The following ZNF100 variants were observed in gnomAD, a reference collection of about 807,000 sequenced individuals.
ZNF100 encodes zinc finger protein 100, also known as zinc finger protein 100 (Y1).
In ZNF100, 12 loss-of-function variants were observed where a neutral mutation model predicts 15.8. That is an observed-to-expected ratio of 0.76 (90% CI 0.49 to 1.23). The LOEUF (loss-of-function observed/expected upper bound fraction) is 1.23, where lower values mean the gene tolerates loss of function less well. ZNF100 is among the 50% of genes most tolerant of loss of function. ZNF100 has a pLI of 0.00. For missense variants in ZNF100, 670 were observed against 635.6 expected (o/e 1.05, Z -0.58); for synonymous variants, 226 against 214.8 (o/e 1.05, Z -0.45).
chr19:21,739,938 T>C (rs370400020), intron 4 of ZNF100, among the ~76,000 whole-genome samples: 6 of 152,326 alleles, frequency 3.9e-5, no homozygotes, highest in African/African-American at 1.4e-4. Flanking sequence ...GGTGAACAAA[T>C]TCAGTACAAT....
chr19:21,742,329 G>A (rs1599388550), intron 4 of ZNF100, among the ~76,000 whole-genome samples: 1 of 145,106 alleles, frequency 6.9e-6, no homozygotes, highest in Non-Finnish European at 1.5e-5. Context: ...GATTTAAGAT[G>A]GTAAATTTTA....
At chr19:21,729,601 A>G (rs1434318263) in intron 4 of ZNF100, among the ~76,000 whole-genome samples, 2 of 152,034 alleles carry the variant, frequency 1.3e-5, no homozygotes, top group East Asian at 3.9e-4. Context: ...AAACAAAACA[A>G]AAACAAAAAA....
intron 4 of ZNF100, among the ~76,000 whole-genome samples, chr19:21,741,378 AT>A (rs2036104706): frequency 1.3e-5 from 2 of 151,390 alleles, no homozygotes; most frequent in Admixed American, 6.6e-5. Flanking sequence ...AATTATTATT[AT>A]TATTATTTTT....
intron 2 of ZNF100, among the ~76,000 whole-genome samples, chr19:21,758,943 C>T (rs1568311210): frequency 6.6e-6 from 1 of 152,094 alleles, no homozygotes; most frequent in Non-Finnish European, 1.5e-5. Context: ...CATTCCAGGC[C>T]AGGTCTCCAT....
chr19:21,760,336 T>C (rs2145743546), intron 2 of ZNF100, among the ~76,000 whole-genome samples: 1 of 151,762 alleles, frequency 6.6e-6, no homozygotes, highest in East Asian at 1.9e-4. Context: ...CTATTAAAAA[T>C]ACAAAACTTA....
intron 2 of ZNF100, among the ~76,000 whole-genome samples, chr19:21,763,594 GA>G (rs1052458119): frequency 3.9e-5 from 6 of 152,040 alleles, no homozygotes; most frequent in African/African-American, 7.2e-5. Context: ...ATCCCGGGGG[GA>G]AAAAAATCAG....
At chr19:21,766,842 A>C (rs181142473) in intron 1 of ZNF100, among the ~76,000 whole-genome samples, 2 of 152,092 alleles carry the variant, frequency 1.3e-5, no homozygotes, top group East Asian at 3.9e-4. Flanking sequence ...AAATACAAAA[A>C]AATAAGGCCG....
intron 1 of ZNF100, among the ~76,000 whole-genome samples, chr19:21,766,999 C>CAAACA (rs1415229033): frequency 7.9e-5 from 12 of 151,794 alleles, no homozygotes; most frequent in Admixed American, 3.9e-4. Context: ...CTCAAACAAA[C>CAAACA]AAAAAAATCG....
intron 4 of ZNF100, among the ~76,000 whole-genome samples, chr19:21,732,139 CCA>C (rs1343961070): frequency 2.0e-5 from 3 of 151,956 alleles, no homozygotes; most frequent in African/African-American, 7.3e-5. Flanking sequence ...CCACTACACC[CCA>C]GTCTTGGCGA....
At chr19:21,731,980 C>G (rs1270595505) in intron 4 of ZNF100, among the ~76,000 whole-genome samples, 2 of 152,114 alleles carry the variant, frequency 1.3e-5, no homozygotes, top group African/African-American at 4.8e-5. Flanking sequence ...GGGCCTGGTG[C>G]CGGGACTCAC....
At position 21,727,141 on chromosome 19, in the gene ZNF100, GT is replaced by G. The variant is rs1197629461; in HGVS notation, c.1170del (p.Lys390AsnfsTer60). The G allele has an allele frequency of 4.3e-6, 7 of 1,611,740 alleles. No individual in the cohort carries two copies. Among genetic ancestry groups the G allele is most frequent in the African/African-American group, 1.3e-5 (1 of 74,768 alleles). On this transcript the variant is annotated frameshift_variant, in exon 5 of 5. Transcript: ENST00000358296. LOFTEE classifies it low-confidence loss of function (END_TRUNC). ...TTCTCTCCAGTATGACTTGTCTTAT[GT>G]TTAGTAAGGTATGAGAATCGGTAAA... ...KAFYRFSYLT[K>X]HKTSHTGEKF...
chr19:21,732,742 T>C (rs2035941952), intron 4 of ZNF100, among the ~76,000 whole-genome samples: 1 of 151,670 alleles, frequency 6.6e-6, no homozygotes, highest in Admixed American at 6.6e-5. Flanking sequence ...TAGAAGAATA[T>C]AGGGAAAAAG....
chr19:21,750,747 C>G lies in ZNF100; in HGVS notation c.97-5680G>C, dbSNP rs10422164. 711 of 345,184 alleles carry G rather than the reference C, an allele frequency of 2.1e-3. 4 individuals carry two copies. Among genetic ancestry groups the G allele is most frequent in the African/African-American group, 0.014 (676 of 47,144 alleles). 21.4% of individuals were successfully genotyped at this position (345,184 alleles called of 1,614,324 possible). A position where few individuals can be genotyped will look rare whatever the true frequency, so the allele number is the denominator to read the frequency against. Reference sequence around the variant, plus strand: ...GAGGCACCTGCTTGCGCGGGTGCAGCCTGGGCTGCGCCATTGTTGGGGGAG... The same window carrying G: ...GAGGCACCTGCTTGCGCGGGTGCAGGCTGGGCTGCGCCATTGTTGGGGGAG... On this transcript the variant is annotated intron_variant, in intron 2 of 4. Transcript: ENST00000358296.
At chr19:21,760,011 C>T (rs2036454680) in intron 2 of ZNF100, among the ~76,000 whole-genome samples, 1 of 151,944 alleles carries the variant, frequency 6.6e-6, no homozygotes, top group South Asian at 2.1e-4. Context: ...GGAGAAACCC[C>T]ATCTCTACTA....
At chr19:21,736,841 A>G (rs1264786737) in intron 4 of ZNF100, among the ~76,000 whole-genome samples, 1 of 152,224 alleles carries the variant, frequency 6.6e-6, no homozygotes, top group Admixed American at 6.5e-5. Flanking sequence ...ATTCTTTGAA[A>G]CCAATGAGAA....
At chr19:21,733,070 A>G (rs2035946154) in intron 4 of ZNF100, among the ~76,000 whole-genome samples, 1 of 152,202 alleles carries the variant, frequency 6.6e-6, no homozygotes, top group South Asian at 2.1e-4. Flanking sequence ...ATAAACAAAA[A>G]GAAATGCTAA....
chr19:21,743,565 A>G (rs1054047604), intron 4 of ZNF100, among the ~76,000 whole-genome samples: 6 of 152,178 alleles, frequency 3.9e-5, no homozygotes, highest in African/African-American at 1.4e-4. Context: ...TGGAATGTGC[A>G]AAAAGATTAA....
At chr19:21,742,564 C>T (rs1168888701) in intron 4 of ZNF100, among the ~76,000 whole-genome samples, 2 of 151,720 alleles carry the variant, frequency 1.3e-5, no homozygotes, top group Non-Finnish European at 2.9e-5. Context: ...TCACAGACAC[C>T]AATGCAAAAC....
At chr19:21,765,551 TG>T in intron 2 of ZNF100, 142 bp downstream of exon 2, 1 of 663,516 alleles carries the variant, frequency 1.5e-6, no homozygotes. Context: ...ACTATTTTTC[TG>T]CCCCCCTTAG....
Sources: allele counts gnomAD v4.1 joint callset (sites outside exome capture counted in the v4.1 genomes callset), GRCh38; gene constraint gnomAD v4.1.1; transcripts MANE v1.5; gene names NCBI Gene and HGNC (gene_info 2026-07-23, HGNC 2026-07-21).